Variants in ELOA2 observed in about 807,000 individuals in gnomAD.
ELOA2 encodes the protein elongin A2.
For missense variants in ELOA2, 1,271 were observed against 979.7 expected (o/e 1.30, Z -3.97); for synonymous variants, 497 against 398.8 (o/e 1.25, Z -2.94).
chr18:47,032,608 T>C lies in ELOA2; in HGVS notation c.*395A>G. 1 of 280,978 alleles carries C rather than the reference T, an allele frequency of 3.6e-6. No homozygotes were observed. Among genetic ancestry groups the C allele is most frequent in the Non-Finnish European group, 6.7e-6 (1 of 148,554 alleles). The allele number at this position is 280,978 out of a possible 1,614,324, so 17.4% of individuals were successfully genotyped here. On this transcript the variant is annotated 3_prime_UTR_variant, in exon 1 of 1. Transcript: ENST00000332567. Reference sequence around the variant, plus strand: ...CATTTTATGTATTCGGAGTTATCAGTGTCAACTAATGGCTTGTGTGTTTTT... The same window carrying C: ...CATTTTATGTATTCGGAGTTATCAGCGTCAACTAATGGCTTGTGTGTTTTT...
Position 47,032,942 on chromosome 18 carries a change from C to G in ELOA2, c.*61G>C. 6.2e-7 allele frequency: 1 copy of G among 1,612,006 alleles called. No individual in the cohort carries two copies. Among genetic ancestry groups the G allele is most frequent in the Non-Finnish European group, 8.5e-7 (1 of 1,179,316 alleles). ...CCATTGGAAGTTTCGTTCCCCAACC[C>G]GCATTGACTTTGCCAATGCAAAAAT... On this transcript the variant is annotated 3_prime_UTR_variant, in exon 1 of 1. Transcript: ENST00000332567.
Position 47,034,629 on chromosome 18 carries a change from C to T in ELOA2, c.636G>A (p.Gln212=). ...CAACGGCTTTCCCCTGGGGTTGGCC[C>T]TGGCAGCCTGGACACAGCAGAGGCC... ...QGGPLLCPGC[Q]GQPQGKAVVS... The change falls in exon 1 of 1, where the codon CAG becomes CAA. Residue 212 remains glutamine, a synonymous_variant. Transcript: ENST00000332567. 6.2e-7 allele frequency: 1 copy of T among 1,614,050 alleles called. No homozygotes were observed.
In ELOA2 at chr18:47,033,408, C is replaced by G. The variant is rs1247206451; in HGVS notation, c.1857G>C (p.Leu619=). ...ATCGGATATTCGTTGTCATTACTCT[C>G]AGCCGCTGCTCTGGGGCGTCCGGAA... ...LRLPDAPEQR[L]RVMTTNIRSA... The change falls in exon 1 of 1, where the codon CTG becomes CTC. Residue 619 remains leucine (L), a synonymous_variant. Coordinates refer to ENST00000332567, the MANE Select transcript of ELOA2 (RefSeq NM_016427.3). 1 of 1,614,096 alleles carries G rather than the reference C, an allele frequency of 6.2e-7. No individual in the cohort carries two copies. Among genetic ancestry groups the G allele is most frequent in the African/African-American group, 1.3e-5 (1 of 74,926 alleles).
chr18:47,034,175 G>A lies in ELOA2; in HGVS notation c.1090C>T (p.Leu364Phe). 1 of 1,614,196 alleles carries A rather than the reference G, an allele frequency of 6.2e-7. No individual in the cohort carries two copies. The highest frequency in any genetic ancestry group is 1.1e-5 in the South Asian group (1 of 91,068). The change falls in exon 1 of 1, where the codon CTC becomes TTC. Residue 364 changes from leucine (L) to phenylalanine (F), a missense_variant. Physicochemically the swap from Leu to Phe is conservative, Grantham distance 22. Transcript: ENST00000332567. ...ATATCTACCTCCTCCACCTCAGAGAGGGAGCTCACGGACGTTCTGTCCAAA... is the reference window on the plus strand; with the variant it reads ...ATATCTACCTCCTCCACCTCAGAGAAGGAGCTCACGGACGTTCTGTCCAAA... Reference protein sequence around the residue: ...AHLDRTSVSSLSEVEEVDMAE... With the variant: ...AHLDRTSVSSFSEVEEVDMAE...
chr18:47,033,532 A>T lies in ELOA2; in HGVS notation c.1733T>A (p.Val578Asp), dbSNP rs2060593023. The T allele has an allele frequency of 6.2e-7, 1 of 1,614,064 alleles. No homozygotes were observed. The highest frequency in any genetic ancestry group is 8.5e-7 in the Non-Finnish European group (1 of 1,180,014). The change falls in exon 1 of 1, where the codon GTT (valine) becomes GAT (aspartate). Residue 578 changes from valine (V) to aspartate (D), a missense_variant. Val to Asp is a radical substitution (Grantham distance 152, BLOSUM62 -3). Coordinates refer to ENST00000332567, the MANE Select transcript of ELOA2 (RefSeq NM_016427.3). ...CCTCCGTAATTCGTCTGTCTCTCTA[A>T]CGAGTGCGTGATTGTCTTTCTTTCT... ...YRRKKDNHAL[V>D]RETDELRRNH...
rs1185272673 is a variant in ELOA2 at position 47,033,918 on chromosome 18, G to C, written c.1347C>G (p.Ala449=). The C allele has an allele frequency of 1.2e-5, 20 of 1,613,014 alleles. No individual in the cohort carries two copies. The highest frequency in any genetic ancestry group is 1.6e-5 in the Non-Finnish European group (19 of 1,180,004). The change falls in exon 1 of 1, where the codon GCC becomes GCG. Residue 449 remains alanine (A), a synonymous_variant. Transcript: ENST00000332567. ...CATGGCTGGGCACCGTTTTCGGCCC[G>C]GCGGAATCAGCGCCGGCCGCCTGCA... ...ERLQAAGADS[A]GPKTVPSHVF...
chr18:47,032,787 T>G lies in ELOA2; in HGVS notation c.*216A>C. 3.7e-6 allele frequency: 3 copies of G among 809,760 alleles called. No homozygotes were observed. The highest frequency in any genetic ancestry group is 3.8e-6 in the Non-Finnish European group (2 of 521,482). The allele number at this position is 809,760 out of a possible 1,614,324, so 50.2% of individuals were successfully genotyped here. A position where few individuals can be genotyped will look rare whatever the true frequency, so the allele number is the denominator to read the frequency against. ...GAATTGTTCCCAATGCGTTCATATC[T>G]TCTGAATTCTGAGGTGTTCTCCAAG... On this transcript the variant is annotated 3_prime_UTR_variant, in exon 1 of 1. Transcript: ENST00000332567.
chr18:47,033,285 C>T lies in ELOA2; in HGVS notation c.1980G>A (p.Lys660=), dbSNP rs959411617. 1 of 1,613,472 alleles carries T rather than the reference C, an allele frequency of 6.2e-7. No homozygotes were observed. The highest frequency in any genetic ancestry group is 1.3e-5 in the African/African-American group (1 of 75,026). Residue 660 remains lysine, a synonymous_variant, in exon 1 of 1, where the codon AAG becomes AAA. Transcript: ENST00000332567. ...TPYDTSRRQE[K]SAGDADPENG... is the part of the protein sequence containing the mutation. ...TTTCGGGGTCAGCGTCTCCTGCAGA[C>T]TTCTCTTGCCTCCTTGAAGTATCAT...
chr18:47,032,567 C>T lies in ELOA2; in HGVS notation c.*436G>A, dbSNP rs73440916. 592 of 212,670 alleles carry T rather than the reference C, an allele frequency of 2.8e-3. 3 individuals carry two copies. Among genetic ancestry groups the T allele is most frequent in the African/African-American group, 0.013 (542 of 42,294 alleles). The allele number at this position is 212,670 out of a possible 1,614,324, so 13.2% of individuals were successfully genotyped here. On this transcript the variant is annotated 3_prime_UTR_variant, in exon 1 of 1. Coordinates refer to ENST00000332567, the MANE Select transcript of ELOA2 (RefSeq NM_016427.3). ...CAGCCTTTTATTAAAACAACAACAA[C>T]GGCAGCAACAGCAAACATTTTATGT...
At position 47,033,437 on chromosome 18, in the gene ELOA2, G is replaced by A. The variant is rs748720042; in HGVS notation, c.1828C>T (p.Arg610Trp). Residue 610 changes from arginine (R) to tryptophan (W), a missense_variant, in exon 1 of 1, where the codon CGG becomes TGG. Coordinates refer to ENST00000332567, the MANE Select transcript of ELOA2 (RefSeq NM_016427.3). ...ENKTWREQYL[R>W]LPDAPEQRLR... Reference sequence around the variant, plus strand: ...CGCTGCTCTGGGGCGTCCGGAAGCCGCAGGTACTGCTCCCTCCAAGTTTTG... The same window carrying A: ...CGCTGCTCTGGGGCGTCCGGAAGCCACAGGTACTGCTCCCTCCAAGTTTTG... 6.2e-7 allele frequency: 1 copy of A among 1,614,136 alleles called. No individual in the cohort carries two copies. The highest frequency in any genetic ancestry group is 8.5e-7 in the Non-Finnish European group (1 of 1,180,028).
chr18:47,034,199 A>G lies in ELOA2; in HGVS notation c.1066T>C (p.Leu356=). ...AGGGAGCTCACGGACGTTCTGTCCA[A>G]ATGAGCAGTCGGTGGCTTCCCCTCT... The part of the protein sequence containing the change: ...TQEGKPPTAH[L]DRTSVSSLSE... The change falls in exon 1 of 1, where the codon TTG becomes CTG. Residue 356 remains leucine (L), a synonymous_variant. Transcript: ENST00000332567. 1 of 1,613,882 alleles carries G rather than the reference A, an allele frequency of 6.2e-7. No individual in the cohort carries two copies.
In ELOA2 at chr18:47,032,764, A is replaced by G; in HGVS notation, c.*239T>C. 2 of 670,508 alleles carry G rather than the reference A, an allele frequency of 3.0e-6. No individual in the cohort carries two copies. The highest frequency in any genetic ancestry group is 4.9e-6 in the Non-Finnish European group (2 of 404,794). The allele number at this position is 670,508 out of a possible 1,614,324, so 41.5% of individuals were successfully genotyped here. On this transcript the variant is annotated 3_prime_UTR_variant, in exon 1 of 1. Transcript: ENST00000332567. ...ATTATCAGTGAACATCCAAAATAGAATTGTTCCCAATGCGTTCATATCTTC... is the reference window on the plus strand; with the variant it reads ...ATTATCAGTGAACATCCAAAATAGAGTTGTTCCCAATGCGTTCATATCTTC...
Position 47,035,252 on chromosome 18 carries a change from A to G in ELOA2, c.13T>C (p.Ser5Pro). ...TTCTCCACTGCGTGCAGCGTAGTGG[A>G]CCCTGCCGCCATCTCACCAGAGCTG... is the stretch of plus-strand genomic sequence containing the variant. MAAG[S>P]TTLHAVEKLQ... The change falls in exon 1 of 1, where the codon TCC becomes CCC. Residue 5 changes from serine (S) to proline (P), a missense_variant. Ser to Pro is a moderately conservative substitution (Grantham distance 74, BLOSUM62 -1). Transcript: ENST00000332567. The G allele has an allele frequency of 6.2e-7, 1 of 1,612,108 alleles. No homozygotes were observed. Among genetic ancestry groups the G allele is most frequent in the Non-Finnish European group, 8.5e-7 (1 of 1,179,704 alleles).
Position 47,034,299 on chromosome 18 carries a change from G to T in ELOA2, c.966C>A (p.Gly322=). ...HSNKKRPSLD[G]RDPGNGTHGL... is the part of the protein sequence containing the mutation. ...CGTGTGTCCCATTTCCTGGGTCCCG[G>T]CCGTCTAGACTGGGCCTCTTCTTGT... The change falls in exon 1 of 1, where the codon GGC becomes GGA. Residue 322 remains glycine, a synonymous_variant. Coordinates refer to ENST00000332567, the MANE Select transcript of ELOA2 (RefSeq NM_016427.3). 1.2e-6 allele frequency: 2 copies of T among 1,613,512 alleles called. No individual in the cohort carries two copies. Among genetic ancestry groups the T allele is most frequent in the Non-Finnish European group, 1.7e-6 (2 of 1,179,478 alleles).
rs772454293 is a variant in ELOA2 at position 47,033,696 on chromosome 18, C to G, written c.1569G>C (p.Gln523His). 1.9e-6 allele frequency: 3 copies of G among 1,614,210 alleles called. No individual in the cohort carries two copies. In the East Asian group the frequency reaches 6.7e-5, roughly 36 times the overall value. The part of the protein sequence containing the change: ...PVYSGSRPAC[Q>H]LQVPTLRQQC... ...GCTGGCGCAGCGTCGGCACCTGGAG[C>G]TGGCAGGCAGGCCTGGAGCCCGAGT... Residue 523 changes from glutamine to histidine, a missense_variant, in exon 1 of 1, where the codon CAG becomes CAC. By Grantham distance (24) the Gln-to-His change is conservative. Transcript: ENST00000332567.
Position 47,034,724 on chromosome 18 carries a change from G to T in ELOA2, c.541C>A (p.Pro181Thr). Residue 181 changes from proline to threonine, a missense_variant, in exon 1 of 1, where the codon CCC becomes ACC. Physicochemically the swap from Pro to Thr is conservative, Grantham distance 38. Transcript: ENST00000332567. ...SPTRTAPLRM[P>T]EGPEPAAPGK... ...GGCGCAGCGGGCTCAGGGCCCTCGG[G>T]CATCCGGAGGGGAGCTGTGCGCGTT... 6.2e-7 allele frequency: 1 copy of T among 1,613,060 alleles called. No homozygotes were observed. The highest frequency in any genetic ancestry group is 8.5e-7 in the Non-Finnish European group (1 of 1,179,932).
Position 47,033,732 on chromosome 18 carries a change from C to T in ELOA2, c.1533G>A (p.Lys511=), listed in dbSNP as rs778920389. The change falls in exon 1 of 1, where the codon AAG becomes AAA. Residue 511 remains lysine (K), a synonymous_variant. Coordinates refer to ENST00000332567, the MANE Select transcript of ELOA2 (RefSeq NM_016427.3). ...GCCTGGAGCCCGAGTACACCGGCAT[C>T]TTAGCATTCACTCTGCGTCCAGGGA... ...AAFPGRRVNA[K]MPVYSGSRPA... is the part of the protein sequence containing the mutation. 4 of 1,614,194 alleles carry T rather than the reference C, an allele frequency of 2.5e-6. No individual in the cohort carries two copies. The South Asian group carries it at 4.4e-5, about 18-fold the overall frequency.
In ELOA2 at chr18:47,034,488, T is replaced by G. The variant is rs761587960; in HGVS notation, c.777A>C (p.Arg259Ser). 6.2e-7 allele frequency: 1 copy of G among 1,614,038 alleles called. No individual in the cohort carries two copies. Among genetic ancestry groups the G allele is most frequent in the African/African-American group, 1.3e-5 (1 of 74,944 alleles). The stretch of plus-strand genomic sequence containing the variant: ...AGGAGGGCATCCTTGGGGTTTCCTC[T>G]CTTAAGCAGGCCCCGCATGATTTCT... Reference protein sequence around the residue: ...IREKSCGACLREETPRMPSWA... With the variant: ...IREKSCGACLSEETPRMPSWA... The change falls in exon 1 of 1, where the codon AGA becomes AGC. Residue 259 changes from arginine to serine, a missense_variant. Arg to Ser is a moderately radical substitution (Grantham distance 110, BLOSUM62 -1). Transcript: ENST00000332567.
In ELOA2 at chr18:47,034,044, A is replaced by T. The variant is rs1159594171; in HGVS notation, c.1221T>A (p.Leu407=). 6.2e-7 allele frequency: 1 copy of T among 1,614,096 alleles called. No homozygotes were observed. The highest frequency in any genetic ancestry group is 8.5e-7 in the Non-Finnish European group (1 of 1,180,022). ...KKTGKSATTA[L]GDKQRKANES... ...CGTTTGCTTTCCTTTGTTTATCTCCAAGTGCAGTGGTGGCAGATTTTCCAG... is the reference window on the plus strand; with the variant it reads ...CGTTTGCTTTCCTTTGTTTATCTCCTAGTGCAGTGGTGGCAGATTTTCCAG... The change falls in exon 1 of 1, where the codon CTT becomes CTA. Residue 407 remains leucine (L), a synonymous_variant. Transcript: ENST00000332567.
Sources: gnomAD v4.1 joint callset for allele counts on GRCh38, gnomAD v4.1.1 for gene constraint, MANE v1.5 for transcripts, NCBI Gene and HGNC (gene_info 2026-07-23, HGNC 2026-07-21) for gene names.